EYS: variants seen among roughly 807,000 people sequenced by gnomAD.
EYS encodes EGF-like photoreceptor maintenance factor.
A neutral mutation model predicts 282.1 loss-of-function variants in EYS; 250 were observed. That is an observed-to-expected ratio of 0.89 (90% confidence interval 0.80 to 0.98). The LOEUF is 0.98. Among genes scored for constraint, EYS ranks in the 50% least tolerant of loss-of-function variants. The probability of loss-of-function intolerance (pLI) is 0.00; values close to 1 mark genes in which losing one functional copy is unlikely to be tolerated. For missense variants in EYS, 4,016 were observed against 3,709.0 expected, an observed-to-expected ratio of 1.08 and a Z score of -2.15; for synonymous variants, 1,355 against 1,282.9, an observed-to-expected ratio of 1.06 and a Z score of -1.20.
chr6:64,723,668 C>T (rs941837119), intron 22 of EYS, among the ~76,000 whole-genome samples: 1 of 152,206 alleles, frequency 6.6e-6, no homozygotes, highest in African/African-American at 2.4e-5. Context: ...TATCCTTCCT[C>T]TTTGAAGATG....
At chr6:65,419,578 T>A (rs1767374586) in intron 5 of EYS, among the ~76,000 whole-genome samples, 1 of 151,982 alleles carries the variant, frequency 6.6e-6, no homozygotes, top group African/African-American at 2.4e-5. Flanking sequence ...AAACAGAATA[T>A]TTCACATGCG....
At chr6:63,723,410 C>T (rs918325908) in intron 42 of EYS, among the ~76,000 whole-genome samples, 11 of 152,108 alleles carry the variant, frequency 7.2e-5, no homozygotes, top group Non-Finnish European at 1.2e-4. Context: ...TGCAAGTGAA[C>T]ACAAACCAGT....
At chr6:64,130,588 G>C (rs141179548) in intron 31 of EYS, among the ~76,000 whole-genome samples, 4,358 of 151,684 alleles carry the variant, frequency 0.029, 67 homozygotes, top group Non-Finnish European at 0.046. Flanking sequence ...TAACAAACCT[G>C]CACATTGTGC....
intron 5 of EYS, among the ~76,000 whole-genome samples, chr6:65,441,641 C>A (rs960225057): frequency 2.0e-5 from 3 of 151,992 alleles, no homozygotes; most frequent in African/African-American, 7.2e-5. Context: ...TTTTCCTTAG[C>A]ACCATTTAAA....
intron 22 of EYS, among the ~76,000 whole-genome samples, chr6:64,654,613 C>A (rs530298175): frequency 6.6e-6 from 1 of 152,232 alleles, no homozygotes; most frequent in African/African-American, 2.4e-5. Flanking sequence ...ACAAATGTTG[C>A]TTGACAAAGT....
At chr6:63,963,540 T>C (rs956860105) in intron 35 of EYS, among the ~76,000 whole-genome samples, 1 of 152,194 alleles carries the variant, frequency 6.6e-6, no homozygotes, top group Non-Finnish European at 1.5e-5. Context: ...TTTCTGCTCC[T>C]GGCGCAGCTT....
At chr6:65,335,312 G>A (rs1314111585) in intron 10 of EYS, among the ~76,000 whole-genome samples, 166 bp from the exon 11 acceptor site, 2 of 151,724 alleles carry the variant, frequency 1.3e-5, no homozygotes, top group East Asian at 3.9e-4. Flanking sequence ...AGCTTGGCTG[G>A]CACAGCAATT....
At chr6:65,424,711 C>T (rs149978634) in intron 5 of EYS, among the ~76,000 whole-genome samples, 66 of 152,002 alleles carry the variant, frequency 4.3e-4, no homozygotes, top group African/African-American at 1.5e-3. Flanking sequence ...ATTCTGGTAT[C>T]CAGATGATGT....
intron 29 of EYS, among the ~76,000 whole-genome samples, chr6:64,381,160 T>C (rs375197560): frequency 6.6e-6 from 1 of 152,294 alleles, no homozygotes; most frequent in African/African-American, 2.4e-5. Context: ...TTCTTTTTAC[T>C]AACTTTCTTT....
At chr6:65,370,258 T>C (rs1175276225) in intron 8 of EYS, among the ~76,000 whole-genome samples, 35 of 142,512 alleles carry the variant, frequency 2.5e-4, no homozygotes, top group Non-Finnish European at 4.3e-4. Context: ...TTCTCTCTCT[T>C]TTTTTTTTTT....
At chr6:65,668,650 C>T (rs1768279530) in intron 1 of EYS, among the ~76,000 whole-genome samples, 1 of 151,880 alleles carries the variant, frequency 6.6e-6, no homozygotes, top group South Asian at 2.1e-4. Context: ...TCATTTTCTT[C>T]CATCAGCTTT....
intron 33 of EYS, among the ~76,000 whole-genome samples, chr6:64,035,158 G>A (rs1287971813): frequency 6.6e-6 from 1 of 152,168 alleles, no homozygotes; most frequent in Non-Finnish European, 1.5e-5. Context: ...ATAGTGTCCA[G>A]TGTGATAAAC....
chr6:65,640,718 T>C (rs1041793414), intron 1 of EYS, among the ~76,000 whole-genome samples: 3 of 152,180 alleles, frequency 2.0e-5, no homozygotes, highest in South Asian at 2.1e-4. Context: ...ATATTTTCTC[T>C]TGGGCCATTT....
chr6:64,193,825 T>C (rs1004342764), intron 31 of EYS, among the ~76,000 whole-genome samples: 1 of 152,262 alleles, frequency 6.6e-6, no homozygotes, highest in East Asian at 1.9e-4. Context: ...ACAAAGGACA[T>C]GAACTCATCC....
chr6:65,269,918 A>G lies in EYS; in HGVS notation c.2023+25945T>C, dbSNP rs75138506. On this transcript the variant is annotated intron_variant, in intron 12 of 42. Transcript: ENST00000503581. ...TTAGAGGGAAAGAAATATTCAATTCATAACTTTCTATTCTTCCCCCCAAAT... is the reference window on the plus strand; with the variant it reads ...TTAGAGGGAAAGAAATATTCAATTCGTAACTTTCTATTCTTCCCCCCAAAT... Among the ~76,000 whole-genome samples, 734 of 152,282 alleles carry G rather than the reference A, an allele frequency of 4.8e-3. 6 individuals carry two copies. The highest frequency in any genetic ancestry group is 0.017 in the African/African-American group (702 of 41,556).
At chr6:64,261,353 T>G (rs1340914360) in intron 30 of EYS, among the ~76,000 whole-genome samples, 1 of 152,122 alleles carries the variant, frequency 6.6e-6, no homozygotes, top group Non-Finnish European at 1.5e-5. Flanking sequence ...TTGAGAATGT[T>G]AGGTTGATTT....
rs188978488 is a variant in EYS, at chr6:64,604,176, G to A, written c.3685-10867C>T. 2.4e-4 allele frequency among the ~76,000 whole-genome samples: 37 copies of A among 151,980 alleles called. 2 individuals carry two copies. The highest frequency in any genetic ancestry group is 2.2e-3 in the Admixed American group (33 of 15,220). ...GAGTCATTGCCTGGGACACTGCAAC[G>A]TAACATTGTTTTATTTATTTTCCTA... On this transcript the variant is annotated intron_variant, in intron 24 of 42. Coordinates refer to ENST00000503581, the MANE Select transcript of EYS (RefSeq NM_001142800.2).
chr6:64,341,443 A>G (rs1037907373), intron 29 of EYS, among the ~76,000 whole-genome samples: 3 of 151,792 alleles, frequency 2.0e-5, no homozygotes, highest in Non-Finnish European at 4.4e-5. Context: ...TAATGCTAGA[A>G]CCCAAAGCCA....
At chr6:65,413,746 C>T (rs1251833845) in intron 5 of EYS, among the ~76,000 whole-genome samples, 1 of 151,960 alleles carries the variant, frequency 6.6e-6, no homozygotes, top group Non-Finnish European at 1.5e-5. Flanking sequence ...ACCCCTGCTA[C>T]TCGGAAGGCT....
Sources: gnomAD v4.1 joint callset for allele counts (sites outside exome capture counted in the v4.1 genomes callset) on GRCh38, gnomAD v4.1.1 for gene constraint, MANE v1.5 for transcripts, NCBI Gene and HGNC (gene_info 2026-07-23, HGNC 2026-07-21) for gene names.